Variants in CTNNA2 observed in about 807,000 individuals in gnomAD.
CTNNA2 encodes the protein catenin alpha 2, also known as catenin alpha-2.
A neutral mutation model predicts 101.0 loss-of-function variants in CTNNA2; 42 were observed. The observed-to-expected ratio is 0.42, with a 90% CI of 0.32 to 0.54. CTNNA2 has a LOEUF of 0.54. Ranked by LOEUF, CTNNA2 falls within the 20% of genes least tolerant of loss-of-function variation. CTNNA2 has a pLI of 0.14. For synonymous variants in CTNNA2, 450 were observed against 456.4 expected (o/e 0.99, Z 0.18); for missense variants, 871 against 1,223.1 (o/e 0.71, Z 4.29).
intron 7 of CTNNA2, among the ~76,000 whole-genome samples, chr2:80,104,277 T>C (rs914220878): frequency 2.0e-5 from 3 of 152,228 alleles, no homozygotes; most frequent in African/African-American, 7.2e-5. Context: ...ACAATACTTA[T>C]GCTTTCTCCT....
At chr2:79,357,689 T>C (rs773626409) in intron 3 of CTNNA2, among the ~76,000 whole-genome samples, 12 of 151,966 alleles carry the variant, frequency 7.9e-5, no homozygotes, top group Non-Finnish European at 1.6e-4. Flanking sequence ...CATGCAAAGC[T>C]GCTAAAAAAA....
chr2:80,001,629 T>C (rs1385659689), intron 7 of CTNNA2, among the ~76,000 whole-genome samples: 1 of 151,906 alleles, frequency 6.6e-6, no homozygotes, highest in African/African-American at 2.4e-5. Flanking sequence ...AACCAAGGAG[T>C]GTTTGCAATC....
intron 1 of CTNNA2, among the ~76,000 whole-genome samples, chr2:79,538,920 A>C: frequency 6.6e-6 from 1 of 152,328 alleles, no homozygotes; most frequent in Middle Eastern, 3.4e-3. Flanking sequence ...TCTTGCAGCA[A>C]GTCAGGTGAG....
At chr2:80,355,639 G>T (rs927616566) in intron 7 of CTNNA2, among the ~76,000 whole-genome samples, 2 of 152,130 alleles carry the variant, frequency 1.3e-5, no homozygotes, top group Non-Finnish European at 2.9e-5. Context: ...CATGCCTCAG[G>T]CAGGTAACCT....
intron 9 of CTNNA2, among the ~76,000 whole-genome samples, chr2:80,443,040 T>C (rs1682727252): frequency 6.6e-6 from 1 of 152,146 alleles, no homozygotes; most frequent in Admixed American, 6.5e-5. Flanking sequence ...TCCTTTAGGA[T>C]CTGCAATTGG....
intron 3 of CTNNA2, among the ~76,000 whole-genome samples, chr2:79,362,481 A>C (rs1677654082): frequency 6.6e-6 from 1 of 152,172 alleles, no homozygotes; most frequent in Admixed American, 6.5e-5. Context: ...CCAAGGGGCT[A>C]CACTGGTAGC....
intron 7 of CTNNA2, among the ~76,000 whole-genome samples, chr2:80,292,477 C>T (rs930824362): frequency 2.0e-5 from 3 of 152,116 alleles, no homozygotes; most frequent in East Asian, 3.9e-4. Flanking sequence ...CTACTCTGAA[C>T]GAGGAGGGAT....
At chr2:80,250,665 G>C (rs1434851658) in intron 7 of CTNNA2, among the ~76,000 whole-genome samples, 3 of 152,076 alleles carry the variant, frequency 2.0e-5, no homozygotes, top group African/African-American at 7.2e-5. Context: ...CATTCCATTG[G>C]GATAATGAGC....
chr2:80,117,455 A>AGTGT (rs59521287), intron 7 of CTNNA2, among the ~76,000 whole-genome samples: 24,618 of 145,718 alleles, frequency 0.17, 2,276 homozygotes, highest in African/African-American at 0.22. Context: ...TTCCTGTGTG[A>AGTGT]GTGTGTGTGT....
At chr2:79,926,190 C>T (rs948260056) in intron 7 of CTNNA2, among the ~76,000 whole-genome samples, 1 of 152,116 alleles carries the variant, frequency 6.6e-6, no homozygotes, top group African/African-American at 2.4e-5. Context: ...GTTAAATATT[C>T]TACTCCACAG....
At chr2:79,486,720 A>C (rs1308254419) in intron 4 of CTNNA2, among the ~76,000 whole-genome samples, 1 of 152,192 alleles carries the variant, frequency 6.6e-6, no homozygotes, top group Admixed American at 6.5e-5. Context: ...ATTTCTCCAC[A>C]TCCTCTCCAG....
At position 79,488,310 on chromosome 2, in the gene CTNNA2, C is replaced by G. The variant is rs976027521; in HGVS notation, c.-134-16744C>G. ...TCCAGCCTGGGCAACAAGAGTGAAA[C>G]TCCATCTCAAAAAAAAAAAAAAAAA... On this transcript the variant is annotated intron_variant, in intron 4 of 21. Transcript: ENST00000466387. Among the ~76,000 whole-genome samples the G allele has an allele frequency of 5.4e-5, 7 of 130,496 alleles. No individual in the cohort carries two copies. The Admixed American group carries it at 5.9e-4, about 11-fold the overall frequency. The allele number at this position is 130,496 out of a possible 152,430, so 85.6% of individuals were successfully genotyped here. A position where few individuals can be genotyped will look rare whatever the true frequency, so the allele number is the denominator to read the frequency against.
chr2:80,012,252 C>A (rs1171531634), intron 7 of CTNNA2, among the ~76,000 whole-genome samples: 1 of 152,138 alleles, frequency 6.6e-6, no homozygotes, highest in East Asian at 1.9e-4. Flanking sequence ...GGAAACCCAG[C>A]AGTTAGAGTT....
intron 1 of CTNNA2, among the ~76,000 whole-genome samples, chr2:79,579,718 G>T (rs530286665): frequency 2.5e-3 from 373 of 152,168 alleles, no homozygotes; most frequent in African/African-American, 8.6e-3. Context: ...GGGTTCAAGC[G>T]ATTCTCCTGC....
chr2:79,230,877 C>A (rs1009035480), intron 2 of CTNNA2, among the ~76,000 whole-genome samples: 8 of 152,166 alleles, frequency 5.3e-5, no homozygotes, highest in African/African-American at 1.9e-4. Flanking sequence ...TATTTGACTG[C>A]CTTGTTGGAT....
At chr2:79,383,988 T>A (rs1361396947) in intron 4 of CTNNA2, among the ~76,000 whole-genome samples, 1 of 152,132 alleles carries the variant, frequency 6.6e-6, no homozygotes, top group Non-Finnish European at 1.5e-5. Flanking sequence ...CCATTCATAA[T>A]CATTGTGGTC....
chr2:80,083,734 A>G (rs1573026730), intron 7 of CTNNA2, among the ~76,000 whole-genome samples: 2 of 152,208 alleles, frequency 1.3e-5, no homozygotes, highest in South Asian at 4.1e-4. Context: ...GAACCTTGCT[A>G]TTTCTTACTT....
intron 2 of CTNNA2, among the ~76,000 whole-genome samples, chr2:79,659,205 T>A (rs763842719): frequency 7.5e-6 from 1 of 133,598 alleles, no homozygotes; most frequent in Non-Finnish European, 1.6e-5. Context: ...TGAGAGTTGA[T>A]CCAGTGCCTC....
At chr2:80,007,696 G>A (rs1693470503) in intron 7 of CTNNA2, among the ~76,000 whole-genome samples, 1 of 152,174 alleles carries the variant, frequency 6.6e-6, no homozygotes. Flanking sequence ...TCTCATTAGA[G>A]ATCAGATTTA....
Sources: allele counts gnomAD v4.1 joint callset (sites outside exome capture counted in the v4.1 genomes callset), GRCh38; gene constraint gnomAD v4.1.1; transcripts MANE v1.5; gene names NCBI Gene and HGNC (gene_info 2026-07-23, HGNC 2026-07-21).